Variants in ZNF532 observed in about 807,000 individuals in gnomAD.
The protein encoded by ZNF532 is zinc finger protein 532.
ZNF532 carries 22 observed loss-of-function variants against 89.3 expected under a neutral mutation model. The ratio of observed to expected loss-of-function variants is 0.25; its 90% confidence interval spans 0.18 to 0.35. The LOEUF is 0.35. ZNF532 is among the 10% of genes least tolerant of loss of function. The pLI is 1.00. For missense variants in ZNF532, 1,132 were observed against 1,643.4 expected (o/e 0.69, Z 5.38); for synonymous variants, 606 against 649.6 (o/e 0.93, Z 1.02).
chr18:58,942,323 C>CTCCT (rs2063208466), intron 5 of ZNF532, among the ~76,000 whole-genome samples: 1 of 40,870 alleles, frequency 2.4e-5, no homozygotes, highest in Non-Finnish European at 4.5e-5. Context: ...CGCCTGGCCC[C>CTCCT]TCCCTCCCTC....
intron 9 of ZNF532, among the ~76,000 whole-genome samples, chr18:58,983,729 C>A (rs548923645): frequency 8.2e-6 from 1 of 121,716 alleles, no homozygotes; most frequent in East Asian, 2.9e-4. Context: ...GCTAGGAGCT[C>A]ATTTGTCCAC....
chr18:58,962,193 T>C (rs1173317348), intron 7 of ZNF532, among the ~76,000 whole-genome samples: 6 of 150,956 alleles, frequency 4.0e-5, no homozygotes, highest in Admixed American at 2.0e-4. Context: ...GCCACTGCGC[T>C]CCAGCCTGGA....
chr18:58,909,006 T>G (rs2060114002), intron 2 of ZNF532, among the ~76,000 whole-genome samples: 1 of 152,160 alleles, frequency 6.6e-6, no homozygotes, highest in Admixed American at 6.5e-5. Flanking sequence ...CAGGCTGGAG[T>G]GCAGTGGTGC....
In ZNF532 at chr18:58,919,150, A is replaced by G. The variant is rs773073335; in HGVS notation, c.863A>G (p.Lys288Arg). The G allele has an allele frequency of 1.1e-5, 18 of 1,614,130 alleles. No individual in the cohort carries two copies. Among genetic ancestry groups the G allele is most frequent in the South Asian group, 1.1e-5 (1 of 91,088 alleles). ...AAAAAGGCGGCTTCAGACTCCTGCA[A>G]AGAACCAGTGGCCAATTCGAGGGAA... The part of the protein sequence containing the change: ...SAKKAASDSC[K>R]EPVANSRESS... Residue 288 changes from lysine (K) to arginine (R), a missense_variant, in exon 3 of 10, where the codon AAA (lysine) becomes AGA (arginine). This residue lies in a region of ZNF532 where 302 missense variants were observed against 319.8 expected (regional missense o/e 0.94). Coordinates refer to ENST00000591808, the MANE Select transcript of ZNF532 (RefSeq NM_001375912.1). This position sits in a 1 kb window ranked among gnomAD's most constrained non-coding sequence, Gnocchi z 6.1.
chr18:58,972,695 C>T (rs531252178), intron 7 of ZNF532, among the ~76,000 whole-genome samples: 6 of 152,226 alleles, frequency 3.9e-5, no homozygotes, highest in East Asian at 1.9e-4. Context: ...ATTCATTCAT[C>T]GCTCGCCTCT....
intron 7 of ZNF532, among the ~76,000 whole-genome samples, chr18:58,974,277 C>T (rs930146293): frequency 6.6e-6 from 1 of 152,166 alleles, no homozygotes; most frequent in African/African-American, 2.4e-5. Flanking sequence ...CATATATTCT[C>T]ATTCTTCTAA....
intron 3 of ZNF532, among the ~76,000 whole-genome samples, chr18:58,925,574 T>G (rs140409926): frequency 3.9e-4 from 60 of 152,364 alleles, no homozygotes; most frequent in African/African-American, 1.3e-3. Flanking sequence ...ATAGCTTGTC[T>G]TTTCATCCTC....
intron 3 of ZNF532, among the ~76,000 whole-genome samples, chr18:58,920,966 T>C (rs547274567): frequency 1.6e-4 from 24 of 152,158 alleles, no homozygotes; most frequent in African/African-American, 5.3e-4. Context: ...CGTGTGCCTG[T>C]TGCGCCAGCT....
intron 7 of ZNF532, among the ~76,000 whole-genome samples, chr18:58,961,796 T>C (rs2065375008): frequency 6.6e-6 from 1 of 152,194 alleles, no homozygotes; most frequent in Non-Finnish European, 1.5e-5. Context: ...CAGATAGATG[T>C]CCTCCATGTG....
chr18:58,945,297 C>T (rs1322956773), intron 5 of ZNF532, among the ~76,000 whole-genome samples: 8 of 152,126 alleles, frequency 5.3e-5, no homozygotes, highest in Non-Finnish European at 7.3e-5. Flanking sequence ...ATGCCTGGGC[C>T]GTGATGCCAT....
intron 2 of ZNF532, among the ~76,000 whole-genome samples, chr18:58,893,777 T>A (rs1367919441): frequency 1.3e-5 from 2 of 152,200 alleles, no homozygotes; most frequent in African/African-American, 4.8e-5. Flanking sequence ...TGTGAAATGG[T>A]TGGCTTGATA....
At chr18:58,873,382 G>T (rs148673607) in intron 2 of ZNF532, among the ~76,000 whole-genome samples, 3 of 151,964 alleles carry the variant, frequency 2.0e-5, no homozygotes, top group Non-Finnish European at 4.4e-5. Flanking sequence ...CTGAAAACAC[G>T]ATTTGATTAA....
At chr18:58,928,401 C>G (rs962346002) in intron 3 of ZNF532, among the ~76,000 whole-genome samples, 2 of 152,220 alleles carry the variant, frequency 1.3e-5, no homozygotes, top group African/African-American at 4.8e-5. Context: ...GCACCACTTC[C>G]TTATGAACTG....
intron 2 of ZNF532, among the ~76,000 whole-genome samples, chr18:58,881,107 CTTTTTTTT>C (rs796877706): frequency 6.9e-6 from 1 of 144,304 alleles, no homozygotes; most frequent in African/African-American, 2.5e-5. Context: ...TTCTTTTTTT[CTTTTTTTT>C]TTTTGAGACA....
chr18:58,927,638 G>A (rs973628033), intron 3 of ZNF532, among the ~76,000 whole-genome samples: 1 of 151,908 alleles, frequency 6.6e-6, no homozygotes, highest in African/African-American at 2.4e-5. Flanking sequence ...TAATGTTCAG[G>A]GTTTTGACTT....
intron 7 of ZNF532, 62 bp from the exon 8 acceptor site, chr18:58,978,993 T>A: frequency 7.6e-7 from 1 of 1,324,118 alleles, no homozygotes; most frequent in Non-Finnish European, 1.1e-6. Context: ...ACAAAAGAGT[T>A]CTTAATTGTT....
At chr18:58,907,045 C>A (rs2059974194) in intron 2 of ZNF532, among the ~76,000 whole-genome samples, 1 of 152,156 alleles carries the variant, frequency 6.6e-6, no homozygotes, top group Non-Finnish European at 1.5e-5. Flanking sequence ...TTCCTGAGGA[C>A]CTGGAAAAGA....
chr18:58,977,339 C>T (rs1353216710), intron 7 of ZNF532, among the ~76,000 whole-genome samples: 1 of 152,104 alleles, frequency 6.6e-6, no homozygotes, highest in Non-Finnish European at 1.5e-5. Flanking sequence ...TCGAAGCGTC[C>T]TGGGAGGCAG....
At chr18:58,907,337 C>A (rs2059993792) in intron 2 of ZNF532, among the ~76,000 whole-genome samples, 1 of 152,094 alleles carries the variant, frequency 6.6e-6, no homozygotes, top group Non-Finnish European at 1.5e-5. Flanking sequence ...AGACGCGTGC[C>A]ACCACGCCTG....
Sources: gnomAD v4.1 joint callset for allele counts (sites outside exome capture counted in the v4.1 genomes callset) on GRCh38, gnomAD v4.1.1 for gene constraint, gnomAD v4.1.1 regional missense constraint, Gnocchi (gnomAD v3.1) non-coding constraint, MANE v1.5 for transcripts, NCBI Gene and HGNC (gene_info 2026-07-23, HGNC 2026-07-21) for gene names.